Variants in PLD5 observed in about 807,000 individuals in gnomAD.
PLD5 encodes the protein inactive phospholipase D5.
In PLD5, 36 loss-of-function variants were observed where a neutral mutation model predicts 61.1. The ratio of observed to expected loss-of-function variants is 0.59; its 90% confidence interval spans 0.45 to 0.78. The LOEUF is 0.78. Among genes scored for constraint, PLD5 ranks in the 30% least tolerant of loss-of-function variants. The pLI is 0.00. For synonymous variants in PLD5, 243 were observed against 242.8 expected, an observed-to-expected ratio of 1.00 and a Z score of -0.01; for missense variants, 515 against 644.4, an observed-to-expected ratio of 0.80 and a Z score of 2.17.
intron 1 of PLD5, among the ~76,000 whole-genome samples, chr1:242,487,942 T>G (rs1484173856): frequency 2.0e-5 from 3 of 152,214 alleles, no homozygotes; most frequent in Non-Finnish European, 4.4e-5. Flanking sequence ...ATATTCATCT[T>G]ATATTTCATG....
intron 2 of PLD5, among the ~76,000 whole-genome samples, chr1:242,338,948 C>T (rs1467483093): frequency 6.6e-6 from 1 of 152,056 alleles, no homozygotes; most frequent in African/African-American, 2.4e-5. Context: ...TTATTCAATG[C>T]TAGTTAGAAA....
Position 242,124,754 on chromosome 1 carries a change from T to C in PLD5, c.736-89A>G, listed in dbSNP as rs561468899. 52 of 1,038,200 alleles carry C rather than the reference T, an allele frequency of 5.0e-5. 1 individual carries two copies. In the South Asian group the frequency reaches 6.8e-4, roughly 14 times the overall value. The allele number at this position is 1,038,200 out of a possible 1,614,324, so 64.3% of individuals were successfully genotyped here. On this transcript the variant is annotated intron_variant, in intron 5 of 9. Transcript: ENST00000536534. ...AAAGGAATGCATAAGAATGAGGTAGTTGTGACATCTTTTTTCTTGCATTTG... is the reference window on the plus strand; with the variant it reads ...AAAGGAATGCATAAGAATGAGGTAGCTGTGACATCTTTTTTCTTGCATTTG...
intron 2 of PLD5, among the ~76,000 whole-genome samples, chr1:242,335,379 T>C (rs1482329779): frequency 6.6e-6 from 1 of 152,168 alleles, no homozygotes; most frequent in African/African-American, 2.4e-5. Flanking sequence ...CCAAATAATA[T>C]CCAAAAACTG....
chr1:242,233,738 G>C (rs1011790522), intron 4 of PLD5, among the ~76,000 whole-genome samples: 1 of 152,114 alleles, frequency 6.6e-6, no homozygotes, highest in Admixed American at 6.6e-5. Flanking sequence ...TGAAAAATAA[G>C]ACTGACTAAG....
chr1:242,329,262 A>G (rs1364179868), intron 2 of PLD5, among the ~76,000 whole-genome samples: 1 of 152,142 alleles, frequency 6.6e-6, no homozygotes, highest in Non-Finnish European at 1.5e-5. Flanking sequence ...TACCCGACTC[A>G]GCCTCCCAAA....
intron 2 of PLD5, among the ~76,000 whole-genome samples, chr1:242,341,917 G>A (rs529007148): frequency 5.3e-5 from 8 of 149,826 alleles, no homozygotes; most frequent in South Asian, 2.2e-4. Flanking sequence ...AGCCTAGACC[G>A]GTAGCCACCC....
Position 242,524,019 on chromosome 1 carries a change from G to T in PLD5, c.189+69C>A, listed in dbSNP as rs960355782. ...CCCCCCGCGCCCCGCGCGCGCTCAT[G>T]CCACCACCACGGGGAGGGTGCATGC... On this transcript the variant is annotated intron_variant, in intron 1 of 9. Transcript: ENST00000536534. The T allele has an allele frequency of 7.6e-6, 11 of 1,454,930 alleles. No individual in the cohort carries two copies. The South Asian group carries it at 1.3e-4, about 17-fold the overall frequency. The allele number at this position is 1,454,930 out of a possible 1,614,324, so 90.1% of individuals were successfully genotyped here.
chr1:242,523,936 C>A (rs1370579456), intron 1 of PLD5, among the ~76,000 whole-genome samples, 152 bp downstream of exon 1: 1 of 152,222 alleles, frequency 6.6e-6, no homozygotes, highest in Non-Finnish European at 1.5e-5. Flanking sequence ...AAACTGCAGG[C>A]AGAGAAGCCC....
chr1:242,132,711 C>G (rs546902629), intron 5 of PLD5, among the ~76,000 whole-genome samples: 1 of 152,268 alleles, frequency 6.6e-6, no homozygotes, highest in South Asian at 2.1e-4. Flanking sequence ...CCCCTTCATT[C>G]CCACAGTGGG....
rs547709344 is a variant in PLD5, at chr1:242,327,771, G to A, written c.326+20335C>T. Among the ~76,000 whole-genome samples, 60 of 152,280 alleles carry A rather than the reference G, an allele frequency of 3.9e-4. No homozygotes were observed. The South Asian group carries it at 4.4e-3, about 11-fold the overall frequency. ...TTTATCCTGAAATGTTCTTACTCCA[G>A]AGAAGAATAACCATCTTGATATTAA... On this transcript the variant is annotated intron_variant, in intron 2 of 9. Coordinates refer to ENST00000536534, the MANE Select transcript of PLD5 (RefSeq NM_001372062.1).
intron 1 of PLD5, among the ~76,000 whole-genome samples, chr1:242,410,807 C>T (rs1664506428): frequency 6.6e-6 from 1 of 152,040 alleles, no homozygotes; most frequent in Non-Finnish European, 1.5e-5. Flanking sequence ...GGGTTAAGGT[C>T]CTCTTTGATG....
chr1:242,307,608 T>C (rs1203398062), intron 2 of PLD5, among the ~76,000 whole-genome samples: 2 of 151,892 alleles, frequency 1.3e-5, no homozygotes, highest in African/African-American at 4.8e-5. Context: ...TGCTCAAACA[T>C]CCCCCCTTGG....
chr1:242,096,991 C>T (rs111884096), intron 9 of PLD5, among the ~76,000 whole-genome samples: 5 of 146,428 alleles, frequency 3.4e-5, no homozygotes, highest in Admixed American at 2.8e-4. Context: ...TGAGTGAGAA[C>T]ATGCGGTGTT....
At chr1:242,280,800 A>G (rs1674680318) in intron 3 of PLD5, among the ~76,000 whole-genome samples, 1 of 152,358 alleles carries the variant, frequency 6.6e-6, no homozygotes, top group South Asian at 2.1e-4. Context: ...CGAGTATTAG[A>G]TAGTTTTATC....
intron 1 of PLD5, among the ~76,000 whole-genome samples, chr1:242,521,670 T>TTAATTATTAATTTATTTTTTCAAC (rs1553272524): frequency 1.3e-5 from 2 of 152,178 alleles, no homozygotes; most frequent in South Asian, 2.1e-4. Context: ...TCCATTTGAT[T>TTAATTATTAATTTATTTTTTCAAC]AGACAGACCA....
At chr1:242,243,581 T>C (rs1672187971) in intron 4 of PLD5, among the ~76,000 whole-genome samples, 1 of 152,288 alleles carries the variant, frequency 6.6e-6, no homozygotes, top group East Asian at 1.9e-4. Context: ...TCTATGTACA[T>C]GGCAGGAATT....
At chr1:242,438,013 T>C (rs527316753) in intron 1 of PLD5, among the ~76,000 whole-genome samples, 1 of 152,320 alleles carries the variant, frequency 6.6e-6, no homozygotes, top group South Asian at 2.1e-4. Context: ...TTTCTACCCT[T>C]CCCATTTTTT....
chr1:242,412,679 C>T (rs1226488307), intron 1 of PLD5, among the ~76,000 whole-genome samples: 1 of 152,174 alleles, frequency 6.6e-6, no homozygotes, highest in Non-Finnish European at 1.5e-5. Flanking sequence ...AGTAGGATGA[C>T]TCCATGGTAT....
At chr1:242,404,010 G>T (rs1664087777) in intron 1 of PLD5, among the ~76,000 whole-genome samples, 1 of 152,146 alleles carries the variant, frequency 6.6e-6, no homozygotes, top group Admixed American at 6.5e-5. Flanking sequence ...TGGAGTAGTT[G>T]GTCAATCCTA....
Sources: allele counts gnomAD v4.1 joint callset (sites outside exome capture counted in the v4.1 genomes callset), GRCh38; gene constraint gnomAD v4.1.1; transcripts MANE v1.5; gene names NCBI Gene and HGNC (gene_info 2026-07-23, HGNC 2026-07-21).